Variants in F7 observed in about 807,000 individuals in gnomAD.
F7 encodes the protein coagulation factor VII.
A neutral mutation model predicts 47.5 loss-of-function variants in F7; 38 were observed. That is an observed-to-expected ratio of 0.80 (90% CI 0.62 to 1.05). The LOEUF (loss-of-function observed/expected upper bound fraction) is 1.05, where lower values mean the gene tolerates loss of function less well. Among genes scored for constraint, F7 ranks in the 50% least tolerant of loss-of-function variants. The pLI, the probability that F7 is intolerant of heterozygous loss-of-function variation, is 0.00. For missense variants in F7, 575 were observed against 605.4 expected, an observed-to-expected ratio of 0.95 and a Z score of 0.53; for synonymous variants, 244 against 258.5, an observed-to-expected ratio of 0.94 and a Z score of 0.54.
intron 1 of F7, chr13:113,106,940 T>C (rs770376604): frequency 1.9e-6 from 3 of 1,575,832 alleles, no homozygotes; most frequent in Non-Finnish European, 2.6e-6. Context: ...GGTTTTGTCC[T>C]GGGGCCCAGT....
chr13:113,108,397 G>A (rs866307212), intron 1 of F7, among the ~76,000 whole-genome samples: 36 of 47,366 alleles, frequency 7.6e-4, no homozygotes, highest in Admixed American at 1.2e-3. Context: ...GTGTCCCGGG[G>A]GTGTGGGTGT....
chr13:113,105,946 GCAGTGGGCAAATCCAGGAGCCAGCC>G, intron 1 of F7, 41 bp downstream of exon 1: 1 of 1,540,554 alleles, frequency 6.5e-7, no homozygotes, highest in Non-Finnish European at 8.8e-7. Flanking sequence ...TGGTGGAAGG[GCAGTGGGCAAATCCAGGAGCCAGCC>G]CGGGCTTCCC....
At position 113,116,815 on chromosome 13, in the gene F7, C is replaced by T. The variant is rs893306041; in HGVS notation, c.555C>T (p.Ser185=). 2 of 1,613,920 alleles carry T rather than the reference C, an allele frequency of 1.2e-6. No homozygotes were observed. Among genetic ancestry groups the T allele is most frequent in the Non-Finnish European group, 1.7e-6 (2 of 1,180,010 alleles). The part of the protein sequence containing the change: ...KIPILEKRNA[S]KPQGRIVGGK... ...CTATTCTAGAAAAAAGAAATGCCAG[C>T]AAACCCCAAGGCCGAATTGTGGGGG... Residue 185 remains serine (S), a synonymous_variant, in exon 6 of 8, where the codon AGC becomes AGT. Coordinates refer to ENST00000346342, the MANE Select transcript of F7 (RefSeq NM_019616.4).
chr13:113,115,518 C>A, intron 4 of F7, 142 bp from the exon 5 acceptor site: 1 of 880,340 alleles, frequency 1.1e-6, no homozygotes, highest in Non-Finnish European at 1.8e-6. Context: ...GCAGGTGGTG[C>A]CAAGCTCAGG....
chr13:113,114,836 T>A (rs1332588077), intron 4 of F7: 1 of 152,872 alleles, frequency 6.5e-6, no homozygotes, highest in African/African-American at 2.4e-5. Context: ...TAGCGGTCAT[T>A]TCCCAGGAGC....
At position 113,115,655 on chromosome 13, in the gene F7, C is replaced by T; in HGVS notation, c.365-5C>T. On this transcript the variant is annotated splice_region_variant and splice_polypyrimidine_tract_variant and intron_variant, in intron 4 of 7. Transcript: ENST00000346342. ...CCTCTCAGGGTGTCCCCTTCCTGTCCCCAGACAAGGATGACCAGCTGATCT... is the reference window on the plus strand; with the variant it reads ...CCTCTCAGGGTGTCCCCTTCCTGTCTCCAGACAAGGATGACCAGCTGATCT... 6.2e-7 allele frequency: 1 copy of T among 1,612,574 alleles called. No individual in the cohort carries two copies. The highest frequency in any genetic ancestry group is 1.1e-5 in the South Asian group (1 of 90,944).
At position 113,115,922 on chromosome 13, in the gene F7, A is replaced by C. The variant is rs2036186431; in HGVS notation, c.505+122A>C. On this transcript the variant is annotated intron_variant, in intron 5 of 7. Coordinates refer to ENST00000346342, the MANE Select transcript of F7 (RefSeq NM_019616.4). The stretch of plus-strand genomic sequence containing the variant: ...TCTACTGAGCACTAACTATGCACTG[A>C]CCAATTGTGAGGTGGGATCTGGGCA... 2.1e-6 allele frequency: 3 copies of C among 1,396,480 alleles called. No individual in the cohort carries two copies. In the South Asian group the frequency reaches 3.6e-5, roughly 17 times the overall value. The allele number at this position is 1,396,480 out of a possible 1,614,324, so 86.5% of individuals were successfully genotyped here.
At chr13:113,116,671 A>G (rs2036197559) in intron 5 of F7, 95 bp from the exon 6 acceptor site, 4 of 1,035,526 alleles carry the variant, frequency 3.9e-6, no homozygotes, top group Non-Finnish European at 6.1e-6. Flanking sequence ...CCTCGGCCTC[A>G]AGGCCTCTCA....
intron 1 of F7, 99 bp downstream of exon 1, chr13:113,106,004 A>G: frequency 9.8e-7 from 1 of 1,015,536 alleles, no homozygotes; most frequent in South Asian, 1.7e-5. Flanking sequence ...TGCTCCGGAC[A>G]CCCCCATCCA....
At chr13:113,117,382 G>A (rs774889476) in intron 6 of F7, 91 bp from the exon 7 acceptor site, 214 of 1,584,558 alleles carry the variant, frequency 1.4e-4, no homozygotes, top group Non-Finnish European at 1.8e-4. Flanking sequence ...ATTGTGCAAT[G>A]CCAGAGGTTC....
rs1306343229 is a variant in F7, at chr13:113,118,929, C to T, written c.1256C>T (p.Ser419Phe). The T allele has an allele frequency of 6.2e-7, 1 of 1,611,108 alleles. No individual in the cohort carries two copies. The highest frequency in any genetic ancestry group is 2.2e-5 in the East Asian group (1 of 44,868). Residue 419 changes from serine (S) to phenylalanine (F), a missense_variant, in exon 8 of 8, where the codon TCC (serine) becomes TTC (phenylalanine). Coordinates refer to ENST00000346342, the MANE Select transcript of F7 (RefSeq NM_019616.4). The stretch of plus-strand genomic sequence containing the variant: ...CACTTTGGGGTGTACACCAGGGTCT[C>T]CCAGTACATCGAGTGGCTGCAAAAG... ...VGHFGVYTRV[S>F]QYIEWLQKLM...
chr13:113,112,289 C>G (rs1221589739), intron 2 of F7, among the ~76,000 whole-genome samples: 1 of 146,632 alleles, frequency 6.8e-6, no homozygotes, highest in Admixed American at 6.8e-5. Context: ...ACAACTCACA[C>G]TCACAGGTCA....
chr13:113,110,468 C>A, intron 1 of F7: 1 of 553,748 alleles, frequency 1.8e-6, no homozygotes, highest in Non-Finnish European at 3.1e-6. Flanking sequence ...TCGGGATCAG[C>A]CCCCGGAAGC....
At chr13:113,105,986 C>A in intron 1 of F7, 81 bp downstream of exon 1, 2 of 1,301,706 alleles carry the variant, frequency 1.5e-6, no homozygotes, top group East Asian at 2.5e-5. Context: ...CTTCCCAAAC[C>A]CCGCCCTTGC....
At chr13:113,116,939 C>T in intron 6 of F7, 64 bp downstream of exon 6, 1 of 1,334,898 alleles carries the variant, frequency 7.5e-7, no homozygotes, top group Non-Finnish European at 1.1e-6. Flanking sequence ...TGAATGTGAA[C>T]AACAGCTCTG....
At position 113,117,521 on chromosome 13, in the gene F7, A is replaced by G. The variant is rs2036214756; in HGVS notation, c.664A>G (p.Asn222Asp). The G allele has an allele frequency of 6.2e-7, 1 of 1,613,950 alleles. No individual in the cohort carries two copies. The highest frequency in any genetic ancestry group is 8.5e-7 in the Non-Finnish European group (1 of 1,179,968). ...GAQLCGGTLI[N>D]TIWVVSAAHC... Reference sequence around the variant, plus strand: ...TCAGTTGTGTGGGGGGACCCTGATCAACACCATCTGGGTGGTCTCCGCGGC... The same window carrying G: ...TCAGTTGTGTGGGGGGACCCTGATCGACACCATCTGGGTGGTCTCCGCGGC... Residue 222 changes from asparagine (N) to aspartate (D), a missense_variant, in exon 7 of 8, where the codon AAC becomes GAC. Asn to Asp is a conservative substitution (Grantham distance 23). Coordinates refer to ENST00000346342, the MANE Select transcript of F7 (RefSeq NM_019616.4).
In F7 at chr13:113,113,950, C is replaced by A. The variant is rs765720786; in HGVS notation, c.354C>A (p.Asn118Lys). 1 of 1,614,018 alleles carries A rather than the reference C, an allele frequency of 6.2e-7. No homozygotes were observed. Among genetic ancestry groups the A allele is most frequent in the Non-Finnish European group, 8.5e-7 (1 of 1,180,038 alleles). ...CFCLPAFEGR[N>K]CETHKDDQLI... ...GCCTCCCTGCCTTCGAGGGCCGGAA[C>A]TGTGAGACGCGTAAGGCCCCACTTT... Residue 118 changes from asparagine (N) to lysine (K), a missense_variant, in exon 4 of 8, where the codon AAC becomes AAA. Asn to Lys is a moderately conservative substitution (Grantham distance 94). Coordinates refer to ENST00000346342, the MANE Select transcript of F7 (RefSeq NM_019616.4). This position sits in a 1 kb window ranked among gnomAD's most constrained non-coding sequence, Gnocchi z 4.1.
intron 1 of F7, among the ~76,000 whole-genome samples, chr13:113,109,331 C>T (rs1049739542): frequency 6.6e-5 from 10 of 151,842 alleles, no homozygotes; most frequent in African/African-American, 2.4e-4. Context: ...CAGGGCACCT[C>T]CTGTGAGGAC....
chr13:113,110,801 A>T lies in F7; in HGVS notation c.176A>T (p.Gln59Leu), dbSNP rs1356736965. The T allele has an allele frequency of 6.4e-7, 1 of 1,556,938 alleles. No homozygotes were observed. The highest frequency in any genetic ancestry group is 1.2e-5 in the South Asian group (1 of 84,430). Reference protein sequence around the residue: ...GSLERECKEEQCSFEEAREIF... With the variant: ...GSLERECKEELCSFEEAREIF... ...CTGGAGAGGGAGTGCAAGGAGGAGC[A>T]GTGCTCCTTCGAGGAGGCCCGGGAG... is the stretch of plus-strand genomic sequence containing the variant. Residue 59 changes from glutamine (Q) to leucine (L), a missense_variant, in exon 2 of 8, where the codon CAG (glutamine) becomes CTG (leucine). Gln to Leu is a moderately radical substitution (Grantham distance 113). Transcript: ENST00000346342.
Sources: allele counts gnomAD v4.1 joint callset (sites outside exome capture counted in the v4.1 genomes callset), GRCh38; gene constraint gnomAD v4.1.1; non-coding constraint Gnocchi (gnomAD v3.1); transcripts MANE v1.5; gene names NCBI Gene and HGNC (gene_info 2026-07-23, HGNC 2026-07-21).